EFCAB13: variants seen among roughly 807,000 people sequenced by gnomAD.
The protein encoded by EFCAB13 is EF-hand calcium-binding domain-containing protein 13.
In EFCAB13, 91 loss-of-function variants were observed where a neutral mutation model predicts 110.2. The observed-to-expected ratio is 0.83, with a 90% CI of 0.70 to 0.98. The LOEUF (loss-of-function observed/expected upper bound fraction) is 0.98, where lower values mean the gene tolerates loss of function less well. Among genes scored for constraint, EFCAB13 ranks in the 50% least tolerant of loss-of-function variants. The pLI is 0.00. For synonymous variants in EFCAB13, 323 were observed against 369.9 expected (o/e 0.87, Z 1.45); for missense variants, 968 against 1,119.4 (o/e 0.86, Z 1.93).
At chr17:47,382,543 TTTA>T (rs2143386373) in intron 14 of EFCAB13, among the ~76,000 whole-genome samples, 1 of 152,262 alleles carries the variant, frequency 6.6e-6, no homozygotes, top group East Asian at 1.9e-4. Context: ...CAATACCTAG[TTTA>T]TTGAGAGTTT....
chr17:47,334,290 A>G (rs1288041349), intron 4 of EFCAB13, among the ~76,000 whole-genome samples: 2 of 152,058 alleles, frequency 1.3e-5, no homozygotes, highest in East Asian at 1.9e-4. Context: ...TCAAGTCTTT[A>G]GCTCATTTTA....
chr17:47,335,246 T>G lies in EFCAB13; in HGVS notation c.81T>G (p.Thr27=). Residue 27 remains threonine (T), a synonymous_variant, in exon 5 of 25, where the codon ACT becomes ACG. Transcript: ENST00000331493. ...ATGATGGCTCTAATTCTTTTGCAAC[T>G]GACTTGTCATCAGGAACTATTAACC... ...LLDDGSNSFA[T]DLSSGTINHK... The G allele has an allele frequency of 6.2e-7, 1 of 1,611,066 alleles. No individual in the cohort carries two copies. Among genetic ancestry groups the G allele is most frequent in the Non-Finnish European group, 8.5e-7 (1 of 1,179,168 alleles).
At chr17:47,397,485 G>T (rs1327507874) in intron 17 of EFCAB13, among the ~76,000 whole-genome samples, 6 of 150,030 alleles carry the variant, frequency 4.0e-5, no homozygotes, top group Non-Finnish European at 8.9e-5. Flanking sequence ...CGTCTGGGAC[G>T]TGAGGAGCCC....
rs76845121 is a variant in EFCAB13 at position 47,406,633 on chromosome 17, T to G, written c.2233+2000T>G. On this transcript the variant is annotated intron_variant, in intron 20 of 24. Coordinates refer to ENST00000331493, the MANE Select transcript of EFCAB13 (RefSeq NM_152347.5). ...AGGTACATTCACTCATTTCACTCTT[T>G]GTCTTGGAAGTCCTTATGACTTTTT... Among the ~76,000 whole-genome samples, 137 of 152,340 alleles carry G rather than the reference T, an allele frequency of 9.0e-4. 3 individuals are homozygous for G. In the East Asian group the frequency reaches 0.024, roughly 27 times the overall value.
chr17:47,397,008 G>GTCCCTC (rs201879797), intron 17 of EFCAB13, among the ~76,000 whole-genome samples: 2 of 148,576 alleles, frequency 1.3e-5, no homozygotes, highest in Non-Finnish European at 3.0e-5. Flanking sequence ...TGAAAATAAC[G>GTCCCTC]TCCCTCTCCC....
chr17:47,410,207 T>C (rs2143463907), intron 21 of EFCAB13, among the ~76,000 whole-genome samples: 1 of 152,240 alleles, frequency 6.6e-6, no homozygotes, highest in Non-Finnish European at 1.5e-5. Context: ...GCCTTATTGC[T>C]GTGTCATACT....
rs2065741782 is a variant in EFCAB13 at position 47,396,984 on chromosome 17, TA to T, written c.1945+1008del. Among the ~76,000 whole-genome samples, 3 of 152,230 alleles carry T rather than the reference TA, an allele frequency of 2.0e-5. No individual in the cohort carries two copies. In the South Asian group the frequency reaches 6.2e-4, roughly 32 times the overall value. On this transcript the variant is annotated intron_variant, in intron 17 of 24. Coordinates refer to ENST00000331493, the MANE Select transcript of EFCAB13 (RefSeq NM_152347.5). ...TATTTGAACCAGACCAACAAAGTAT[TA>T]TTTTATGAGATATGAAAATAACGTC...
chr17:47,404,177 A>G (rs918660210), intron 19 of EFCAB13, among the ~76,000 whole-genome samples, 156 bp downstream of exon 19: 2 of 152,152 alleles, frequency 1.3e-5, no homozygotes, highest in Admixed American at 1.3e-4. Context: ...GAATACTTCT[A>G]TACAAGCGGG....
chr17:47,337,924 T>C (rs1249455674), intron 5 of EFCAB13, among the ~76,000 whole-genome samples: 3 of 152,220 alleles, frequency 2.0e-5, no homozygotes, highest in Non-Finnish European at 4.4e-5. Flanking sequence ...AGAGTCCACA[T>C]AGCAGGCAAC....
At chr17:47,390,914 G>GTCTTATCTATCTATCTA (rs150041083) in intron 14 of EFCAB13, among the ~76,000 whole-genome samples, 98 of 150,264 alleles carry the variant, frequency 6.5e-4, no homozygotes, top group East Asian at 3.2e-3. Flanking sequence ...GTGTCTGTCT[G>GTCTTATCTATCTATCTA]TCTATCTATC....
At chr17:47,327,525 T>C (rs1482815944) in intron 3 of EFCAB13, among the ~76,000 whole-genome samples, 1 of 151,920 alleles carries the variant, frequency 6.6e-6, no homozygotes, top group East Asian at 1.9e-4. Flanking sequence ...TGGTGCGATC[T>C]TGGCTCACTG....
chr17:47,429,152 A>C (rs935110614), intron 23 of EFCAB13, among the ~76,000 whole-genome samples: 6 of 152,190 alleles, frequency 3.9e-5, no homozygotes, highest in Admixed American at 1.3e-4. Flanking sequence ...CTGGAAGAAG[A>C]AGCTACTCAT....
chr17:47,381,034 C>A (rs2065644977), intron 14 of EFCAB13, among the ~76,000 whole-genome samples: 1 of 151,926 alleles, frequency 6.6e-6, no homozygotes, highest in Admixed American at 6.6e-5. Context: ...AGGTACGTAC[C>A]ACCATGCCTG....
At chr17:47,361,850 C>A (rs1320125229) in intron 10 of EFCAB13, among the ~76,000 whole-genome samples, 1 of 152,160 alleles carries the variant, frequency 6.6e-6, no homozygotes, top group Admixed American at 6.5e-5. Flanking sequence ...ATTGACTCCA[C>A]AAGTTAGAAG....
At chr17:47,372,589 T>C (rs1028191948) in intron 11 of EFCAB13, among the ~76,000 whole-genome samples, 1 of 152,332 alleles carries the variant, frequency 6.6e-6, no homozygotes, top group Admixed American at 6.5e-5. Context: ...TCCTTTTCTT[T>C]TGGCTTGAAG....
rs572573189 is a variant in EFCAB13 at position 47,357,165 on chromosome 17, T to TGAGAA, written c.662-4212_662-4208dup. Among the ~76,000 whole-genome samples the TGAGAA allele has an allele frequency of 9.7e-4, 147 of 152,252 alleles. 3 individuals carry two copies. In the East Asian group the frequency reaches 0.022, roughly 23 times the overall value. On this transcript the variant is annotated intron_variant, in intron 9 of 24. Transcript: ENST00000331493. Reference sequence around the variant, plus strand: ...TGTCCCAGGCTACAAGCCTCCCCACTGAGAAAGCAAGCCGACTCACAGTTA... The same window carrying TGAGAA: ...TGTCCCAGGCTACAAGCCTCCCCACTGAGAAGAGAAAGCAAGCCGACTCACAGTTA...
rs763454585 is a variant in EFCAB13, at chr17:47,335,186, T to C, written c.31-10T>C. The stretch of plus-strand genomic sequence containing the variant: ...AGGACATGCTTGATTGTGGCTCTTA[T>C]ATTCCCCAGGCAGAGGAAAATATTG... On this transcript the variant is annotated splice_polypyrimidine_tract_variant and intron_variant, in intron 4 of 24. Transcript: ENST00000331493. The C allele has an allele frequency of 8.2e-6, 13 of 1,582,266 alleles. No homozygotes were observed. In the African/African-American group the frequency reaches 1.4e-4, roughly 17 times the overall value.
chr17:47,371,062 G>GTTTTTTTTTTTTTTTTTTTT (rs779767798), intron 11 of EFCAB13, among the ~76,000 whole-genome samples: 1 of 108,988 alleles, frequency 9.2e-6, no homozygotes, highest in African/African-American at 3.7e-5. Flanking sequence ...TTTAATGGTT[G>GTTTTTTTTTTTTTTTTTTTT]TTTTTTTTTT....
At chr17:47,394,374 C>T (rs934363502) in intron 16 of EFCAB13, among the ~76,000 whole-genome samples, 3 of 152,208 alleles carry the variant, frequency 2.0e-5, no homozygotes, top group South Asian at 2.1e-4. Flanking sequence ...GTATAGCATT[C>T]GTTTTGGGGA....
Sources: gnomAD v4.1 joint callset for allele counts (sites outside exome capture counted in the v4.1 genomes callset) on GRCh38, gnomAD v4.1.1 for gene constraint, MANE v1.5 for transcripts, NCBI Gene and HGNC (gene_info 2026-07-23, HGNC 2026-07-21) for gene names.